DMXL1: variants seen among roughly 807,000 people sequenced by gnomAD.
DMXL1 encodes dmX-like protein 1.
Under a neutral mutation model 319.2 loss-of-function variants are expected in DMXL1, and 99 were observed. The ratio of observed to expected loss-of-function variants is 0.31; its 90% CI spans 0.26 to 0.37. The LOEUF is 0.37. DMXL1 is among the 10% of genes least tolerant of loss of function. DMXL1 has a pLI of 1.00. For missense variants in DMXL1, 3,745 were observed against 3,595.6 expected (o/e 1.04, Z -1.06); for synonymous variants, 1,385 against 1,235.2 (o/e 1.12, Z -2.54).
At chr5:119,182,442 C>T (rs141329982) in intron 28 of DMXL1, among the ~76,000 whole-genome samples, 142 of 152,132 alleles carry the variant, frequency 9.3e-4, no homozygotes, top group African/African-American at 3.3e-3. Flanking sequence ...AAAAGTGTTC[C>T]ATAAGTTTAG....
At chr5:119,175,386 G>C in intron 26 of DMXL1, 49 bp downstream of exon 26, 5 of 1,360,474 alleles carry the variant, frequency 3.7e-6, no homozygotes, top group Non-Finnish European at 5.2e-6. Context: ...AAGCAATGAG[G>C]TTTCATATTT....
chr5:119,232,619 T>C (rs1295861761), intron 38 of DMXL1, among the ~76,000 whole-genome samples: 2 of 152,170 alleles, frequency 1.3e-5, no homozygotes, highest in Admixed American at 1.3e-4. Context: ...AATTTCCTAG[T>C]ATAACACAAA....
At chr5:119,220,434 C>T (rs562974875) in intron 35 of DMXL1, 38 bp from the exon 36 acceptor site, 1 of 1,603,188 alleles carries the variant, frequency 6.2e-7, no homozygotes, top group African/African-American at 1.3e-5. Context: ...TCTCTTTTGC[C>T]TATTGCTTTT....
chr5:119,186,602 A>AT (rs1186043422), intron 28 of DMXL1, among the ~76,000 whole-genome samples: 1 of 152,172 alleles, frequency 6.6e-6, no homozygotes, highest in Non-Finnish European at 1.5e-5. Context: ...TTCCCCTTAT[A>AT]TTTTAGTTTT....
rs1306574934 is a variant in DMXL1 at position 119,085,948 on chromosome 5, G to A, written c.88-12031G>A. On this transcript the variant is annotated intron_variant, in intron 1 of 43. Coordinates refer to ENST00000539542, the MANE Select transcript of DMXL1 (RefSeq NM_001290321.3). ...CAGGATCTATTGAAACTATCATATG[G>A]TTTTTGTTCTTGGTTCTGTTAAGGT... is the stretch of plus-strand genomic sequence containing the variant. Among the ~76,000 whole-genome samples, 4 of 152,040 alleles carry A rather than the reference G, an allele frequency of 2.6e-5. No individual in the cohort carries two copies. In the East Asian group the frequency reaches 7.7e-4, roughly 29 times the overall value.
rs1774319525 is a variant in DMXL1, at chr5:119,170,444, A to G, written c.5653A>G (p.Ile1885Val). ...LEVLSKMPKV[I>V]KKTRPFYRAS... ...AGTATTATCAAAGATGCCTAAAGTC[A>G]TCAAGAAAACAAGACCTTTTTATAG... The change falls in exon 24 of 44, where the codon ATC becomes GTC. Residue 1885 changes from isoleucine (I) to valine (V), a missense_variant. Ile to Val is a conservative substitution (Grantham distance 29). Transcript: ENST00000539542. 1 of 1,613,910 alleles carries G rather than the reference A, an allele frequency of 6.2e-7. No homozygotes were observed. The highest frequency in any genetic ancestry group is 8.5e-7 in the Non-Finnish European group (1 of 1,179,948).
Position 119,171,888 on chromosome 5 carries a change from C to T in DMXL1, c.6600C>T (p.His2200=), listed in dbSNP as rs550470163. The T allele has an allele frequency of 5.6e-6, 9 of 1,613,888 alleles. No homozygotes were observed. Among genetic ancestry groups the T allele is most frequent in the South Asian group, 5.5e-5 (5 of 91,058 alleles). ...AKTVVANPLL[H]LSNLTHDILH... The stretch of plus-strand genomic sequence containing the variant: ...CAGTAGTTGCCAATCCATTATTGCA[C>T]CTTAGTAATCTGACACATGATATTC... Residue 2200 remains histidine, a synonymous_variant, in exon 25 of 44, where the codon CAC becomes CAT. Coordinates refer to ENST00000539542, the MANE Select transcript of DMXL1 (RefSeq NM_001290321.3).
intron 33 of DMXL1, among the ~76,000 whole-genome samples, chr5:119,206,108 A>G (rs1781693495): frequency 6.6e-6 from 1 of 152,112 alleles, no homozygotes; most frequent in African/African-American, 2.4e-5. Context: ...GTGTTTTAAA[A>G]TAGAATGTCC....
chr5:119,222,352 T>G (rs1177610181), intron 37 of DMXL1, among the ~76,000 whole-genome samples: 2 of 152,008 alleles, frequency 1.3e-5, no homozygotes, highest in Non-Finnish European at 2.9e-5. Context: ...TTTTAAGGAT[T>G]AAAATGAACT....
chr5:119,073,927 T>G (rs1385715235), intron 1 of DMXL1, among the ~76,000 whole-genome samples: 1 of 152,034 alleles, frequency 6.6e-6, no homozygotes, highest in Non-Finnish European at 1.5e-5. Context: ...TGTGTTGTTT[T>G]TTTTTTTTGA....
intron 1 of DMXL1, among the ~76,000 whole-genome samples, chr5:119,077,711 C>G (rs1250497915): frequency 1.0e-4 from 13 of 127,164 alleles, no homozygotes; most frequent in Admixed American, 9.5e-4. Flanking sequence ...TATATATACA[C>G]TTAAAAATAT....
chr5:119,177,115 C>T (rs1404914792), intron 26 of DMXL1, among the ~76,000 whole-genome samples: 1 of 152,054 alleles, frequency 6.6e-6, no homozygotes, highest in African/African-American at 2.4e-5. Context: ...TGGTACATAG[C>T]GATTTAGTTT....
intron 35 of DMXL1, 35 bp from the exon 36 acceptor site, chr5:119,220,437 T>C (rs372931745): frequency 3.1e-6 from 5 of 1,606,716 alleles, no homozygotes; most frequent in East Asian, 2.2e-5. Context: ...CTTTTGCCTA[T>C]TGCTTTTAAA....
chr5:119,226,399 G>C (rs1785570372), intron 38 of DMXL1, among the ~76,000 whole-genome samples: 1 of 152,134 alleles, frequency 6.6e-6, no homozygotes, highest in Admixed American at 6.5e-5. Context: ...CCTCAAGATA[G>C]CTGTTTTCTT....
intron 29 of DMXL1, among the ~76,000 whole-genome samples, chr5:119,193,067 G>C (rs1254038919): frequency 6.6e-6 from 1 of 152,014 alleles, no homozygotes; most frequent in African/African-American, 2.4e-5. Context: ...TCCTGTTTTA[G>C]TTACTGATGT....
intron 29 of DMXL1, among the ~76,000 whole-genome samples, chr5:119,191,144 C>G (rs1324723310): frequency 1.3e-5 from 2 of 152,238 alleles, no homozygotes; most frequent in African/African-American, 4.8e-5. Flanking sequence ...TGTAACTTTT[C>G]CCATTGATTA....
intron 13 of DMXL1, 98 bp from the exon 14 acceptor site, chr5:119,143,742 AT>A: frequency 1.3e-6 from 1 of 743,284 alleles, no homozygotes; most frequent in Non-Finnish European, 2.1e-6. Context: ...GCCCACTTGA[AT>A]TTTATTGTTA....
intron 38 of DMXL1, among the ~76,000 whole-genome samples, chr5:119,232,257 A>G (rs1786890662): frequency 6.6e-6 from 1 of 152,232 alleles, no homozygotes; most frequent in South Asian, 2.1e-4. Flanking sequence ...GAAAGGGAGT[A>G]GAGCCAGTCA....
chr5:119,203,377 G>T lies in DMXL1; in HGVS notation c.7804G>T (p.Glu2602Ter). 1 of 1,608,076 alleles carries T rather than the reference G, an allele frequency of 6.2e-7. No individual in the cohort carries two copies. Reference protein sequence around the residue: ...KRLWQYLVKQEEIQETFIKNI... With the variant: ...KRLWQYLVKQ ...GCTTTGGCAGTATTTGGTGAAGCAG[G>T]AAGAAATTCAGGAAACCTTTATCAA... The change falls in exon 33 of 44, where the codon GAA becomes TAA. Residue 2602 changes from glutamate to a stop codon, truncating the protein, a stop_gained. Transcript: ENST00000539542. LOFTEE classifies it high-confidence loss of function.
Sources: gnomAD v4.1 joint callset for allele counts (sites outside exome capture counted in the v4.1 genomes callset) on GRCh38, gnomAD v4.1.1 for gene constraint, MANE v1.5 for transcripts, NCBI Gene and HGNC (gene_info 2026-07-23, HGNC 2026-07-21) for gene names.